Variants in NLGN1 observed in about 807,000 individuals in gnomAD.
The protein encoded by NLGN1 is neuroligin 1.
NLGN1 carries 12 observed loss-of-function variants against 65.5 expected under a neutral mutation model. The observed-to-expected ratio is 0.18, with a 90% CI of 0.12 to 0.30. The LOEUF (loss-of-function observed/expected upper bound fraction) is 0.30. Among genes scored for constraint, NLGN1 ranks in the 10% least tolerant of loss-of-function variants. NLGN1 has a pLI of 1.00. For synonymous variants in NLGN1, 350 were observed against 359.5 expected (o/e 0.97, Z 0.30); for missense variants, 750 against 1,007.1 (o/e 0.74, Z 3.46).
intron 2 of NLGN1, among the ~76,000 whole-genome samples, chr3:173,440,609 C>T (rs559754802): frequency 6.6e-6 from 1 of 152,184 alleles, no homozygotes; most frequent in Non-Finnish European, 1.5e-5. Flanking sequence ...TGACTAGGTG[C>T]GTTGTCAATG....
chr3:173,636,415 G>T (rs528718658), intron 3 of NLGN1, among the ~76,000 whole-genome samples: 4 of 152,236 alleles, frequency 2.6e-5, no homozygotes, highest in South Asian at 2.1e-4. Flanking sequence ...GGAAACCGAG[G>T]TCCACAAGCT....
intron 4 of NLGN1, among the ~76,000 whole-genome samples, chr3:173,971,714 G>T (rs1174726588): frequency 6.6e-6 from 1 of 152,076 alleles, no homozygotes; most frequent in East Asian, 1.9e-4. Context: ...GTTCCTTGCA[G>T]TCACAAGGCA....
chr3:174,023,603 C>T (rs892612517), intron 4 of NLGN1, among the ~76,000 whole-genome samples: 7 of 152,170 alleles, frequency 4.6e-5, no homozygotes, highest in Non-Finnish European at 8.8e-5. Context: ...CCTCTGCAAA[C>T]AGCCATCTGT....
chr3:173,838,493 T>C (rs1417708382), intron 4 of NLGN1, among the ~76,000 whole-genome samples: 2 of 152,196 alleles, frequency 1.3e-5, no homozygotes, highest in Non-Finnish European at 1.5e-5. Flanking sequence ...TAATTTTGTG[T>C]ACCTGTAAAA....
chr3:173,407,394 T>A (rs184811742), intron 1 of NLGN1, among the ~76,000 whole-genome samples: 10 of 152,264 alleles, frequency 6.6e-5, no homozygotes, highest in African/African-American at 2.4e-4. Flanking sequence ...ATGATTTGCT[T>A]GTTTATGCAA....
chr3:174,132,090 A>C (rs548127279), intron 4 of NLGN1, among the ~76,000 whole-genome samples: 8 of 152,182 alleles, frequency 5.3e-5, no homozygotes, highest in South Asian at 2.1e-4. Context: ...GTTCCCTTGA[A>C]TATACAAGGA....
chr3:173,780,816 GATGAAA>G, intron 3 of NLGN1, among the ~76,000 whole-genome samples: 1 of 152,058 alleles, frequency 6.6e-6, no homozygotes, highest in Non-Finnish European at 1.5e-5. Context: ...ATATTTTAAT[GATGAAA>G]ATAATATATG....
chr3:173,980,413 C>G (rs1718514971), intron 4 of NLGN1, among the ~76,000 whole-genome samples: 1 of 151,868 alleles, frequency 6.6e-6, no homozygotes. Context: ...TCTTTTATGT[C>G]TATCATTTTT....
chr3:173,403,715 T>C (rs529799637), intron 1 of NLGN1, among the ~76,000 whole-genome samples: 2 of 152,310 alleles, frequency 1.3e-5, no homozygotes, highest in Non-Finnish European at 2.9e-5. Flanking sequence ...TCTTTTACTC[T>C]GCTTTATTAT....
intron 4 of NLGN1, among the ~76,000 whole-genome samples, chr3:174,253,841 A>G (rs1483710782): frequency 6.6e-6 from 1 of 152,148 alleles, no homozygotes; most frequent in Non-Finnish European, 1.5e-5. Context: ...ACCCTAGGAA[A>G]ACTTTTGAAA....
At chr3:173,900,327 GC>G (rs1296967372) in intron 4 of NLGN1, among the ~76,000 whole-genome samples, 2 of 152,002 alleles carry the variant, frequency 1.3e-5, no homozygotes, top group Admixed American at 1.3e-4. Flanking sequence ...CCTGACCATA[GC>G]TTTGGGTGCA....
chr3:174,204,852 T>C (rs1370035328), intron 4 of NLGN1, among the ~76,000 whole-genome samples: 1 of 9,932 alleles, frequency 1.0e-4, no homozygotes, highest in East Asian at 3.9e-3. Flanking sequence ...CAAACAGGTT[T>C]TTTTTTTAGA....
intron 3 of NLGN1, among the ~76,000 whole-genome samples, chr3:173,757,875 C>T (rs377205893): frequency 4.6e-5 from 7 of 151,866 alleles, no homozygotes; most frequent in East Asian, 1.9e-4. Flanking sequence ...TTATTTCAAA[C>T]GAAGTAATAA....
intron 4 of NLGN1, among the ~76,000 whole-genome samples, chr3:173,861,636 C>T (rs1044718040): frequency 2.0e-5 from 3 of 149,760 alleles, no homozygotes; most frequent in Admixed American, 6.7e-5. Flanking sequence ...GTAATATTTA[C>T]AAATAATAAT....
At chr3:173,903,070 A>T (rs1485808299) in intron 4 of NLGN1, among the ~76,000 whole-genome samples, 1 of 152,132 alleles carries the variant, frequency 6.6e-6, no homozygotes, top group Non-Finnish European at 1.5e-5. Context: ...AAAGTTCTGG[A>T]AAAGTTTAGC....
chr3:174,003,572 T>TA (rs1258531870), intron 4 of NLGN1, among the ~76,000 whole-genome samples: 3 of 152,168 alleles, frequency 2.0e-5, no homozygotes, highest in African/African-American at 7.2e-5. Flanking sequence ...AAAACAAGTT[T>TA]AAAAGATTTT....
intron 4 of NLGN1, among the ~76,000 whole-genome samples, chr3:173,924,469 G>A (rs1390420712): frequency 6.6e-6 from 1 of 151,786 alleles, no homozygotes; most frequent in Non-Finnish European, 1.5e-5. Context: ...GTCTTAAATT[G>A]ATGTGGCCTT....
chr3:174,038,915 C>A (rs1731691396), intron 4 of NLGN1, among the ~76,000 whole-genome samples: 1 of 152,144 alleles, frequency 6.6e-6, no homozygotes, highest in East Asian at 1.9e-4. Flanking sequence ...TCCTTCCATA[C>A]CCACAGTAAC....
chr3:174,014,701 G>A (rs1464201643), intron 4 of NLGN1, among the ~76,000 whole-genome samples: 1 of 152,078 alleles, frequency 6.6e-6, no homozygotes, highest in Admixed American at 6.6e-5. Flanking sequence ...AACAAGGTAG[G>A]GTTTTGAACC....
Sources: gnomAD v4.1 joint callset for allele counts (sites outside exome capture counted in the v4.1 genomes callset) on GRCh38, gnomAD v4.1.1 for gene constraint, MANE v1.5 for transcripts, NCBI Gene and HGNC (gene_info 2026-07-23, HGNC 2026-07-21) for gene names.